Variants in GLMN observed in about 807,000 individuals in gnomAD.
GLMN encodes the protein glomulin.
A neutral mutation model predicts 87.8 loss-of-function variants in GLMN; 75 were observed. The observed-to-expected ratio is 0.85, with a 90% CI of 0.71 to 1.04. The LOEUF (loss-of-function observed/expected upper bound fraction) is 1.04, where lower values mean the gene tolerates loss of function less well. GLMN is among the 50% of genes least tolerant of loss of function. The pLI is 0.00. For missense variants in GLMN, 588 were observed against 658.8 expected (o/e 0.89, Z 1.18); for synonymous variants, 206 against 221.6 (o/e 0.93, Z 0.63).
At chr1:92,256,037 A>G (rs1201120544) in intron 16 of GLMN, among the ~76,000 whole-genome samples, 3 of 152,212 alleles carry the variant, frequency 2.0e-5, no homozygotes, top group Admixed American at 1.3e-4. Flanking sequence ...AGAAGAATCA[A>G]ATAGACACAA....
the GLMN span, chr1:92,323,977 A>C: frequency 6.2e-7 from 1 of 1,614,180 alleles, no homozygotes; most frequent in Non-Finnish European, 8.5e-7. Flanking sequence ...GTCAGTGTCT[A>C]GTTCAGTGCA....
At chr1:92,269,131 G>A (rs1288732458) in intron 9 of GLMN, among the ~76,000 whole-genome samples, 1 of 151,416 alleles carries the variant, frequency 6.6e-6, no homozygotes, top group Non-Finnish European at 1.5e-5. Context: ...CGAACTCCTG[G>A]GGTCAAGCAA....
At chr1:92,327,943 G>A in the GLMN span, among the ~76,000 whole-genome samples, 1 of 152,064 alleles carries the variant, frequency 6.6e-6, no homozygotes, top group Non-Finnish European at 1.5e-5. Flanking sequence ...AAAATTCTTG[G>A]CTGACAGTTG....
chr1:92,294,933 C>A (rs1164464716), intron 3 of GLMN, among the ~76,000 whole-genome samples: 1 of 152,216 alleles, frequency 6.6e-6, no homozygotes, highest in East Asian at 1.9e-4. Context: ...CCCGCCTCGG[C>A]CTCCCAAAGT....
In GLMN at chr1:92,298,912, C is replaced by G; in HGVS notation, c.-31+13G>C. On this transcript the variant is annotated intron_variant, in intron 1 of 18. Coordinates refer to ENST00000370360, the MANE Select transcript of GLMN (RefSeq NM_053274.3). ...GCCCTGGCCACCCTGAACCTCTCCA[C>G]AACTCCACTTACCGGCCAGAACCCT... 1 of 455,640 alleles carries G rather than the reference C, an allele frequency of 2.2e-6. No homozygotes were observed. Among genetic ancestry groups the G allele is most frequent in the Non-Finnish European group, 3.9e-6 (1 of 257,078 alleles). The allele number at this position is 455,640 out of a possible 1,614,324, so 28.2% of individuals were successfully genotyped here.
In GLMN at chr1:92,246,587, T is replaced by C. The variant is rs902904982; in HGVS notation, c.1728A>G (p.Glu576=). 6.3e-7 allele frequency: 1 copy of C among 1,596,362 alleles called. No individual in the cohort carries two copies. The highest frequency in any genetic ancestry group is 8.6e-7 in the Non-Finnish European group (1 of 1,163,800). The change falls in exon 19 of 19, where the codon GAA becomes GAG. Residue 576 remains glutamate, a synonymous_variant. Coordinates refer to ENST00000370360, the MANE Select transcript of GLMN (RefSeq NM_053274.3). The part of the protein sequence containing the change: ...DLIESVLARV[E]ELIEIKTKST... ...ACTTTGTTTTTATTTCAATGAGTTC[T>C]TCCACTCGAGCTAGAACACTTTCAA... is the stretch of plus-strand genomic sequence containing the variant.
At chr1:92,248,733 T>C (rs1398003201) in intron 16 of GLMN, among the ~76,000 whole-genome samples, 1 of 152,134 alleles carries the variant, frequency 6.6e-6, no homozygotes. Context: ...TGAGCTTATT[T>C]TGACCCAAGT....
chr1:92,267,393 A>C (rs562718598), intron 11 of GLMN, among the ~76,000 whole-genome samples: 1 of 152,220 alleles, frequency 6.6e-6, no homozygotes, highest in Non-Finnish European at 1.5e-5. Context: ...GTTTAAATAA[A>C]TTAAAATTTA....
the GLMN span, among the ~76,000 whole-genome samples, chr1:92,335,055 G>A: frequency 1.3e-5 from 2 of 152,126 alleles, no homozygotes; most frequent in East Asian, 3.9e-4. Context: ...CTGAAGTGGA[G>A]GATCGCTTGA....
At chr1:92,297,620 A>G in intron 2 of GLMN, 91 bp from the exon 3 acceptor site, 3 of 1,121,938 alleles carry the variant, frequency 2.7e-6, no homozygotes, top group Non-Finnish European at 2.6e-6. Context: ...TTATCTATGA[A>G]AAAAGGAAAT....
At position 92,288,927 on chromosome 1, in the gene GLMN, C is replaced by T. The variant is rs770117478; in HGVS notation, c.619G>A (p.Glu207Lys). ...AATTATACTTACAATTTCAGTAATT[C>T]ATCCTTTAACTTTTCATTTTCCAGT... The part of the protein sequence containing the change: ...NSLENEKLKD[E>K]LLKFCFKSLK... The change falls in exon 6 of 19, where the codon GAA (glutamate) becomes AAA (lysine). Residue 207 changes from glutamate to lysine, a missense_variant. Coordinates refer to ENST00000370360, the MANE Select transcript of GLMN (RefSeq NM_053274.3). The T allele has an allele frequency of 6.5e-7, 1 of 1,527,990 alleles. No individual in the cohort carries two copies. The highest frequency in any genetic ancestry group is 9.1e-7 in the Non-Finnish European group (1 of 1,101,984). 94.7% of individuals were successfully genotyped at this position (1,527,990 alleles called of 1,614,324 possible). A position where few individuals can be genotyped will look rare whatever the true frequency, so the allele number is the denominator to read the frequency against.
chr1:92,358,728 T>C, the GLMN span, among the ~76,000 whole-genome samples: 1 of 151,736 alleles, frequency 6.6e-6, no homozygotes, highest in African/African-American at 2.4e-5. Flanking sequence ...GCTGGGACCA[T>C]AGGCATGCAC....
chr1:92,363,717 A>G, the GLMN span: 2 of 362,860 alleles, frequency 5.5e-6, no homozygotes, highest in South Asian at 2.3e-5. Context: ...AGCCTACTCA[A>G]TGTGAAGACA....
At chr1:92,333,568 C>A in the GLMN span, 1 of 835,676 alleles carries the variant, frequency 1.2e-6, no homozygotes, top group Non-Finnish European at 1.9e-6. Context: ...AGATTTTGAA[C>A]ATTTTGAAAA....
intron 7 of GLMN, among the ~76,000 whole-genome samples, chr1:92,277,702 C>T (rs1440107083): frequency 1.3e-5 from 2 of 151,932 alleles, no homozygotes; most frequent in Admixed American, 6.6e-5. Context: ...GCTGAACGCA[C>T]GAAGTTTCCA....
At chr1:92,322,778 G>A in the GLMN span, among the ~76,000 whole-genome samples, 10 of 151,516 alleles carry the variant, frequency 6.6e-5, no homozygotes, top group Non-Finnish European at 1.3e-4. Context: ...TTGGGAGGCC[G>A]AGGTGGGAGA....
chr1:92,265,859 CA>C (rs1265771471), intron 13 of GLMN, among the ~76,000 whole-genome samples: 3 of 152,180 alleles, frequency 2.0e-5, no homozygotes, highest in Non-Finnish European at 4.4e-5. Context: ...ATCCCCAATA[CA>C]AAGTCAAAGT....
the GLMN span, chr1:92,345,776 GT>G: frequency 2.1e-6 from 2 of 954,136 alleles, no homozygotes; most frequent in Middle Eastern, 4.6e-4. Flanking sequence ...TAAATCTGAT[GT>G]TATCTAGAAA....
At chr1:92,250,395 TTA>T (rs1279990589) in intron 16 of GLMN, among the ~76,000 whole-genome samples, 1 of 152,140 alleles carries the variant, frequency 6.6e-6, no homozygotes, top group African/African-American at 2.4e-5. Flanking sequence ...TTTTTGAGAG[TTA>T]TTTGTGTTGT....
Sources: gnomAD v4.1 joint callset for allele counts (sites outside exome capture counted in the v4.1 genomes callset) on GRCh38, gnomAD v4.1.1 for gene constraint, MANE v1.5 for transcripts, NCBI Gene and HGNC (gene_info 2026-07-23, HGNC 2026-07-21) for gene names.